The following CTTNBP2NL variants were observed in gnomAD, a reference collection of about 807,000 sequenced individuals.
The protein encoded by CTTNBP2NL is CTTNBP2 N-terminal like.
CTTNBP2NL carries 16 observed loss-of-function variants against 32.5 expected under a neutral mutation model. That is an observed-to-expected ratio of 0.49 (90% CI 0.33 to 0.75). The LOEUF is 0.75. Among genes scored for constraint, CTTNBP2NL ranks in the 30% least tolerant of loss-of-function variants. The pLI, the probability that CTTNBP2NL is intolerant of heterozygous loss-of-function variation, is 0.02. For missense variants in CTTNBP2NL, 645 were observed against 756.0 expected (o/e 0.85, Z 1.72); for synonymous variants, 298 against 289.4 (o/e 1.03, Z -0.30).
intron 3 of CTTNBP2NL, among the ~76,000 whole-genome samples, chr1:112,441,811 T>G (rs1649898586): frequency 6.6e-6 from 1 of 152,218 alleles, no homozygotes; most frequent in Non-Finnish European, 1.5e-5. Context: ...TAGGCACTTC[T>G]TCATATGCTT....
chr1:112,399,686 G>A (rs1648437901), intron 1 of CTTNBP2NL, among the ~76,000 whole-genome samples: 2 of 152,182 alleles, frequency 1.3e-5, no homozygotes, highest in African/African-American at 4.8e-5. Context: ...AGGAAGCAGA[G>A]ATATGCTTCT....
chr1:112,428,022 A>T (rs1649453454), intron 3 of CTTNBP2NL, among the ~76,000 whole-genome samples: 1 of 152,152 alleles, frequency 6.6e-6, no homozygotes, highest in Non-Finnish European at 1.5e-5. Flanking sequence ...ATGACATAGT[A>T]GTGTTCCTAG....
At position 112,457,305 on chromosome 1, in the gene CTTNBP2NL, C is replaced by T; in HGVS notation, c.1813C>T (p.Gln605Ter). 6.2e-7 allele frequency: 1 copy of T among 1,614,212 alleles called. No homozygotes were observed. The highest frequency in any genetic ancestry group is 8.5e-7 in the Non-Finnish European group (1 of 1,180,040). Residue 605 changes from glutamine to a stop codon, truncating the protein, a stop_gained, in exon 6 of 6, where the codon CAG becomes TAG. Transcript: ENST00000271277. LOFTEE classifies it high-confidence loss of function. ...ATTPLTKTHSQAASLTTAEDL... is the reference protein window; with the variant it reads ...ATTPLTKTHS ...CACTCCATTGACCAAAACTCATTCC[C>T]AGGCAGCCTCTTTGACCACTGCAGA...
intron 3 of CTTNBP2NL, among the ~76,000 whole-genome samples, chr1:112,417,056 ATC>A (rs1228713748): frequency 6.6e-6 from 1 of 152,158 alleles, no homozygotes; most frequent in Non-Finnish European, 1.5e-5. Context: ...CCCATTTATC[ATC>A]TGTCTCAATC....
chr1:112,451,060 A>G (rs955037183), intron 4 of CTTNBP2NL, among the ~76,000 whole-genome samples: 2 of 152,068 alleles, frequency 1.3e-5, no homozygotes, highest in Non-Finnish European at 1.5e-5. Context: ...CTTACAATGA[A>G]AAACAGTTTT....
chr1:112,431,807 T>A (rs1433537594), intron 3 of CTTNBP2NL, among the ~76,000 whole-genome samples: 1 of 152,064 alleles, frequency 6.6e-6, no homozygotes, highest in Non-Finnish European at 1.5e-5. Flanking sequence ...GTAATTAGGT[T>A]TTATACACAC....
At chr1:112,405,166 AT>A (rs1318012626) in intron 1 of CTTNBP2NL, among the ~76,000 whole-genome samples, 2 of 152,274 alleles carry the variant, frequency 1.3e-5, no homozygotes, top group Non-Finnish European at 2.9e-5. Flanking sequence ...ATGATAAAAA[AT>A]TTATTAATAT....
At position 112,459,947 on chromosome 1, in the gene CTTNBP2NL, A is replaced by C. The variant is rs993509212; in HGVS notation, c.*2535A>C. On this transcript the variant is annotated 3_prime_UTR_variant, in exon 6 of 6. Coordinates refer to ENST00000271277, the MANE Select transcript of CTTNBP2NL (RefSeq NM_018704.3). ...ATTTTTGCTAGTTGCCTACCTTCTG[A>C]GATAAATAAGCACAATCTTGCAATG... 10 of 152,208 alleles carry C rather than the reference A, an allele frequency of 6.6e-5. No individual in the cohort carries two copies. Among genetic ancestry groups the C allele is most frequent in the African/African-American group, 2.4e-4 (10 of 41,446 alleles). 9.4% of individuals were successfully genotyped at this position (152,208 alleles called of 1,614,324 possible).
At chr1:112,421,655 T>C (rs1052129327) in intron 3 of CTTNBP2NL, among the ~76,000 whole-genome samples, 4 of 151,822 alleles carry the variant, frequency 2.6e-5, no homozygotes, top group Middle Eastern at 3.4e-3. Flanking sequence ...GAAATACTGA[T>C]AATAGGAAAA....
At chr1:112,397,772 C>A (rs1386906812) in intron 1 of CTTNBP2NL, among the ~76,000 whole-genome samples, 2 of 152,176 alleles carry the variant, frequency 1.3e-5, no homozygotes, top group East Asian at 3.8e-4. Context: ...GTCTACCTCC[C>A]CTCTGTCAGC....
At chr1:112,424,133 T>C (rs1160786956) in intron 3 of CTTNBP2NL, among the ~76,000 whole-genome samples, 1 of 152,236 alleles carries the variant, frequency 6.6e-6, no homozygotes, top group Non-Finnish European at 1.5e-5. Flanking sequence ...TTTTTGTTTT[T>C]TGTTTTTCTT....
At chr1:112,445,582 A>G (rs1263113991) in intron 3 of CTTNBP2NL, among the ~76,000 whole-genome samples, 2 of 152,208 alleles carry the variant, frequency 1.3e-5, no homozygotes, top group Non-Finnish European at 2.9e-5. Flanking sequence ...TCGCTCTCTG[A>G]CAAGGAGTCT....
At chr1:112,403,411 C>A (rs1375234987) in intron 1 of CTTNBP2NL, among the ~76,000 whole-genome samples, 1 of 136,032 alleles carries the variant, frequency 7.4e-6, no homozygotes, top group African/African-American at 3.0e-5. Flanking sequence ...AGTATCTGAA[C>A]CAGACACTGC....
intron 1 of CTTNBP2NL, among the ~76,000 whole-genome samples, chr1:112,407,852 T>A (rs1186469447): frequency 7.1e-6 from 1 of 140,252 alleles, no homozygotes; most frequent in Admixed American, 7.2e-5. Flanking sequence ...TTTTTTTTTT[T>A]TTTTTTTTTT....
chr1:112,456,743 C>T lies in CTTNBP2NL; in HGVS notation c.1251C>T (p.Ser417=), dbSNP rs376964575. 5 of 1,613,994 alleles carry T rather than the reference C, an allele frequency of 3.1e-6. No homozygotes were observed. Among genetic ancestry groups the T allele is most frequent in the Non-Finnish European group, 4.2e-6 (5 of 1,180,018 alleles). The change falls in exon 6 of 6, where the codon AGC becomes AGT. Residue 417 remains serine, a synonymous_variant. Coordinates refer to ENST00000271277, the MANE Select transcript of CTTNBP2NL (RefSeq NM_018704.3). ...GTGGGAGCTCACTGTCTCCCAGCAG[C>T]ACTGCCTCCTCCTCTCTAACATCCT... The part of the protein sequence containing the change: ...SSSGSSLSPS[S]TASSSLTSSP...
upstream of CTTNBP2NL, among the ~76,000 whole-genome samples, chr1:112,391,720 G>A (rs184551410): frequency 2.6e-5 from 4 of 152,224 alleles, no homozygotes; most frequent in East Asian, 1.9e-4. Context: ...CAGGCCGGGC[G>A]CGGTGGCTCC....
At position 112,449,046 on chromosome 1, in the gene CTTNBP2NL, T is replaced by C. The variant is rs567471803; in HGVS notation, c.204T>C (p.Asn68=). Residue 68 remains asparagine, a synonymous_variant, in exon 4 of 6, where the codon AAT becomes AAC. Coordinates refer to ENST00000271277, the MANE Select transcript of CTTNBP2NL (RefSeq NM_018704.3). ...ATTTTGAAACACTGAAGGAGAAAAA[T>C]GATGGCGAAAAGCAGCCAGTCTGCA... ...QRDFETLKEK[N]DGEKQPVCTN... The C allele has an allele frequency of 1.2e-6, 2 of 1,612,480 alleles. No homozygotes were observed. Among genetic ancestry groups the C allele is most frequent in the South Asian group, 1.1e-5 (1 of 91,038 alleles).
intron 1 of CTTNBP2NL, among the ~76,000 whole-genome samples, chr1:112,409,642 C>T (rs1648794223): frequency 6.6e-6 from 1 of 152,208 alleles, no homozygotes; most frequent in Admixed American, 6.5e-5. Context: ...CTACTGCTTA[C>T]ATGGCTATAG....
At chr1:112,400,126 A>C (rs1167330245) in intron 1 of CTTNBP2NL, among the ~76,000 whole-genome samples, 1 of 152,192 alleles carries the variant, frequency 6.6e-6, no homozygotes. Flanking sequence ...TAATAACTAA[A>C]ATTTAAATCT....
Sources: allele counts gnomAD v4.1 joint callset (sites outside exome capture counted in the v4.1 genomes callset), GRCh38; gene constraint gnomAD v4.1.1; transcripts MANE v1.5; gene names NCBI Gene and HGNC (gene_info 2026-07-23, HGNC 2026-07-21).